CDH13: variants seen among roughly 807,000 people sequenced by gnomAD.
The protein encoded by CDH13 is cadherin-13.
A neutral mutation model predicts 63.8 loss-of-function variants in CDH13; 24 were observed. That is an observed-to-expected ratio of 0.38 (90% confidence interval 0.27 to 0.53). The LOEUF (loss-of-function observed/expected upper bound fraction) is 0.53. Ranked by LOEUF, CDH13 falls within the 20% of genes least tolerant of loss-of-function variation. The pLI is 0.85. For missense variants in CDH13, 1,049 were observed against 903.1 expected (o/e 1.16, Z -2.07); for synonymous variants, 503 against 355.3 (o/e 1.42, Z -4.67).
At chr16:83,493,161 C>T (rs998962636) in intron 7 of CDH13, among the ~76,000 whole-genome samples, 5 of 152,152 alleles carry the variant, frequency 3.3e-5, no homozygotes, top group Admixed American at 2.0e-4. Flanking sequence ...CAAGTACTAG[C>T]GTGATACTTA....
At chr16:83,217,185 G>T (rs1418901398) in intron 4 of CDH13, among the ~76,000 whole-genome samples, 160 bp from the exon 5 acceptor site, 2 of 152,184 alleles carry the variant, frequency 1.3e-5, no homozygotes, top group African/African-American at 4.8e-5. Context: ...GTTAGGCAGT[G>T]ATGCTATTTC....
intron 2 of CDH13, among the ~76,000 whole-genome samples, chr16:82,992,494 G>A (rs1014078854): frequency 6.6e-6 from 1 of 152,190 alleles, no homozygotes; most frequent in South Asian, 2.1e-4. Context: ...AAGGGGCAGG[G>A]TGGGGATAGA....
intron 1 of CDH13, among the ~76,000 whole-genome samples, chr16:82,838,727 C>T (rs1052895515): frequency 6.6e-6 from 1 of 152,066 alleles, no homozygotes; most frequent in Non-Finnish European, 1.5e-5. Flanking sequence ...CCTTTTTTGG[C>T]CTAGGTTGTC....
chr16:83,464,457 A>G (rs1395195309), intron 6 of CDH13, among the ~76,000 whole-genome samples: 4 of 152,226 alleles, frequency 2.6e-5, no homozygotes, highest in Non-Finnish European at 5.9e-5. Context: ...GGTTGCAGTG[A>G]GCCAAGATCG....
intron 2 of CDH13, among the ~76,000 whole-genome samples, chr16:82,867,381 C>T (rs11150505): frequency 0.21 from 31,871 of 152,020 alleles, 4,349 homozygotes; most frequent in East Asian, 0.74. Flanking sequence ...GCTGCTGCTG[C>T]GTATTTGTTG....
intron 5 of CDH13, among the ~76,000 whole-genome samples, chr16:83,291,452 C>T (rs1454196322): frequency 6.6e-6 from 1 of 152,118 alleles, no homozygotes; most frequent in African/African-American, 2.4e-5. Flanking sequence ...CCTTCCACCA[C>T]CTGATAGTGC....
At chr16:83,406,418 C>T (rs1025587268) in intron 6 of CDH13, among the ~76,000 whole-genome samples, 4 of 107,338 alleles carry the variant, frequency 3.7e-5, no homozygotes, top group Admixed American at 8.6e-5. Context: ...CTCTTTCTTT[C>T]CCCCCCCGCC....
At chr16:83,240,386 C>T (rs530475138) in intron 5 of CDH13, among the ~76,000 whole-genome samples, 68 of 152,186 alleles carry the variant, frequency 4.5e-4, no homozygotes, top group African/African-American at 1.6e-3. Flanking sequence ...TCAGATATCT[C>T]TTTCACCAGG....
chr16:83,323,440 C>T (rs2090285901), intron 5 of CDH13, among the ~76,000 whole-genome samples: 1 of 150,892 alleles, frequency 6.6e-6, no homozygotes, highest in South Asian at 2.1e-4. Context: ...GCCACCACAT[C>T]CGGCTAATTT....
chr16:82,823,802 A>T (rs905343571), intron 1 of CDH13: 21 of 152,326 alleles, frequency 1.4e-4, no homozygotes, highest in African/African-American at 5.1e-4. Flanking sequence ...ATATAAGACC[A>T]GCGAGATTAA....
At chr16:82,968,349 A>T (rs1037240583) in intron 2 of CDH13, among the ~76,000 whole-genome samples, 3 of 152,184 alleles carry the variant, frequency 2.0e-5, no homozygotes, top group Non-Finnish European at 4.4e-5. Flanking sequence ...GTAATTTTCC[A>T]AGAAGGCCTC....
At chr16:82,675,695 C>T (rs118045888) in intron 1 of CDH13, among the ~76,000 whole-genome samples, 1 of 152,158 alleles carries the variant, frequency 6.6e-6, no homozygotes, top group Admixed American at 6.5e-5. Flanking sequence ...AGCAAAAGAA[C>T]CTTCTGGGTT....
In CDH13 at chr16:83,271,934, G is replaced by A. The variant is rs770628540; in HGVS notation, c.636+54437G>A. On this transcript the variant is annotated intron_variant, in intron 5 of 13. Transcript: ENST00000567109. ...TGATCCATATGAAGATCTTGTCACC[G>A]GAAATTACTTTTGATCCAATACATC... is the stretch of plus-strand genomic sequence containing the variant. 3.3e-5 allele frequency among the ~76,000 whole-genome samples: 5 copies of A among 152,066 alleles called. No homozygotes were observed. The East Asian group carries it at 7.7e-4, about 23-fold the overall frequency.
intron 3 of CDH13, among the ~76,000 whole-genome samples, chr16:83,077,072 T>C (rs2032890367): frequency 6.6e-6 from 1 of 151,984 alleles, no homozygotes; most frequent in Non-Finnish European, 1.5e-5. Context: ...TCAAGTTTCA[T>C]TGGTTCTAGA....
At chr16:82,765,437 A>AT (rs1169980408) in intron 1 of CDH13, among the ~76,000 whole-genome samples, 1 of 152,058 alleles carries the variant, frequency 6.6e-6, no homozygotes, top group Non-Finnish European at 1.5e-5. Flanking sequence ...TACTCCTTCT[A>AT]TTTTAACTGT....
chr16:83,604,181 C>A (rs754660643), intron 8 of CDH13, among the ~76,000 whole-genome samples: 1 of 152,098 alleles, frequency 6.6e-6, no homozygotes, highest in Non-Finnish European at 1.5e-5. Context: ...AGGAGGTAGA[C>A]GTCCCCCTTT....
At chr16:83,554,019 T>C (rs1358590155) in intron 7 of CDH13, among the ~76,000 whole-genome samples, 2 of 152,214 alleles carry the variant, frequency 1.3e-5, no homozygotes, top group East Asian at 1.9e-4. Context: ...TGTGTCTCTG[T>C]CTGTTTTCTT....
chr16:83,224,361 A>G (rs541002334), intron 5 of CDH13, among the ~76,000 whole-genome samples: 51 of 152,342 alleles, frequency 3.3e-4, no homozygotes, highest in African/African-American at 1.1e-3. Flanking sequence ...TCCTCTGTGT[A>G]GATACTCAGT....
chr16:83,593,643 G>A (rs1041224985), intron 7 of CDH13, among the ~76,000 whole-genome samples: 3 of 151,878 alleles, frequency 2.0e-5, no homozygotes, highest in Non-Finnish European at 2.9e-5. Context: ...TGTAATAATT[G>A]TAATCAATAT....
Sources: allele counts gnomAD v4.1 joint callset (sites outside exome capture counted in the v4.1 genomes callset), GRCh38; gene constraint gnomAD v4.1.1; transcripts MANE v1.5; gene names NCBI Gene and HGNC (gene_info 2026-07-23, HGNC 2026-07-21).